MED13: variants seen among roughly 807,000 people sequenced by gnomAD.
MED13 encodes the protein mediator of RNA polymerase II transcription subunit 13.
In MED13, 23 loss-of-function variants were observed where a neutral mutation model predicts 225.2. The ratio of observed to expected loss-of-function variants is 0.10; its 90% confidence interval spans 0.07 to 0.14. The LOEUF (loss-of-function observed/expected upper bound fraction) is 0.14, where lower values mean the gene tolerates loss of function less well. MED13 is among the 10% of genes least tolerant of loss of function. The pLI, the probability that MED13 is intolerant of heterozygous loss-of-function variation, is 1.00. For missense variants in MED13, 2,197 were observed against 2,594.5 expected (o/e 0.85, Z 3.33); for synonymous variants, 942 against 889.2 (o/e 1.06, Z -1.06).
At chr17:62,015,886 TACAC>T (rs1174840455) in intron 8 of MED13, among the ~76,000 whole-genome samples, 14 of 93,346 alleles carry the variant, frequency 1.5e-4, no homozygotes, top group Non-Finnish European at 2.8e-4. Flanking sequence ...TGTATATATA[TACAC>T]ACACACACAC....
chr17:61,973,251 A>G (rs2080125064), intron 16 of MED13, among the ~76,000 whole-genome samples: 1 of 152,216 alleles, frequency 6.6e-6, no homozygotes, highest in African/African-American at 2.4e-5. Context: ...CCTCACATTG[A>G]AATTATATCC....
intron 8 of MED13, among the ~76,000 whole-genome samples, chr17:62,023,709 C>T (rs1162972392): frequency 6.6e-6 from 1 of 150,848 alleles, no homozygotes; most frequent in African/African-American, 2.5e-5. Context: ...GAGCTAGAGG[C>T]CGATTTAACA....
chr17:61,974,959 C>CA (rs1459188119), intron 16 of MED13, among the ~76,000 whole-genome samples: 1 of 151,820 alleles, frequency 6.6e-6, no homozygotes, highest in Non-Finnish European at 1.5e-5. Flanking sequence ...CAAAGAATAC[C>CA]ATCAAGAAAG....
At chr17:61,970,679 C>CT (rs2080099214) in intron 17 of MED13, among the ~76,000 whole-genome samples, 1 of 46,918 alleles carries the variant, frequency 2.1e-5, no homozygotes, top group African/African-American at 8.6e-5. Flanking sequence ...GAGACTGTCT[C>CT]AAAAAAAAAA....
rs181077855 is a variant in MED13 at position 62,017,870 on chromosome 17, T to C, written c.1284-6637A>G. 4.9e-4 allele frequency among the ~76,000 whole-genome samples: 74 copies of C among 152,348 alleles called. 1 individual carries two copies. In the East Asian group the frequency reaches 0.014, roughly 29 times the overall value. On this transcript the variant is annotated intron_variant, in intron 8 of 29. Coordinates refer to ENST00000397786, the MANE Select transcript of MED13 (RefSeq NM_005121.3). ...TTTCTGCTATAGATTTGAAGTACAA[T>C]GGCTATTTTGAGGAAAAGCGCTTGT...
intron 6 of MED13, 121 bp from the exon 7 acceptor site, chr17:62,030,134 AT>A (rs2080741037): frequency 1.0e-6 from 1 of 989,750 alleles, no homozygotes; most frequent in Non-Finnish European, 1.4e-6. Flanking sequence ...AATTATTTAT[AT>A]TTTGAGATAA....
rs1296609148 is a variant in MED13, at chr17:61,943,872, C to T, written c.*2596G>A. 2.0e-5 allele frequency: 3 copies of T among 152,504 alleles called. No individual in the cohort carries two copies. The highest frequency in any genetic ancestry group is 7.2e-5 in the African/African-American group (3 of 41,414). The allele number at this position is 152,504 out of a possible 1,614,324, so 9.4% of individuals were successfully genotyped here. Reference sequence around the variant, plus strand: ...AAAAAAAAAGATGTTAGCACTGTAACAAAGAAGTCAAGGTGTTGGTAATCC... The same window carrying T: ...AAAAAAAAAGATGTTAGCACTGTAATAAAGAAGTCAAGGTGTTGGTAATCC... On this transcript the variant is annotated 3_prime_UTR_variant, in exon 30 of 30. Coordinates refer to ENST00000397786, the MANE Select transcript of MED13 (RefSeq NM_005121.3).
intron 17 of MED13, among the ~76,000 whole-genome samples, chr17:61,971,920 C>T (rs1043268190): frequency 2.6e-5 from 4 of 151,720 alleles, no homozygotes; most frequent in African/African-American, 4.8e-5. Context: ...GGCGACAAAG[C>T]GAGACTCTGT....
In MED13 at chr17:61,985,014, G is replaced by A. The variant is rs757436998; in HGVS notation, c.2462C>T (p.Pro821Leu). 6.2e-6 allele frequency: 10 copies of A among 1,613,712 alleles called. No homozygotes were observed. The East Asian group carries it at 6.7e-5, about 11-fold the overall frequency. Residue 821 changes from proline to leucine, a missense_variant, in exon 13 of 30, where the codon CCG becomes CTG. Around this residue, in one of 12 missense-constraint regions of MED13, gnomAD observed 41 missense variants for 55.8 expected, o/e 0.73. Transcript: ENST00000397786. The stretch of plus-strand genomic sequence containing the variant: ...GGGAAGCTTACTTATGCAAGATAAC[G>A]GGTCCAGATTTCCTGTCTTTGATTC... Reference protein sequence around the residue: ...CKESKTGNLDPLSCISTADLH... With the variant: ...CKESKTGNLDLLSCISTADLH...
intron 16 of MED13, among the ~76,000 whole-genome samples, chr17:61,979,709 G>A (rs1223131415): frequency 6.6e-6 from 1 of 152,040 alleles, no homozygotes; most frequent in Non-Finnish European, 1.5e-5. Context: ...GCTATTTACA[G>A]CAAAAGTCCC....
intron 2 of MED13, among the ~76,000 whole-genome samples, chr17:62,061,167 C>A (rs1292730295): frequency 1.3e-5 from 2 of 152,112 alleles, no homozygotes; most frequent in Admixed American, 1.3e-4. Context: ...CAATATCCAT[C>A]AAAGCAGCTC....
rs577202494 is a variant in MED13, at chr17:61,947,244, G to T, written c.6292-227C>A. 1.9e-4 allele frequency among the ~76,000 whole-genome samples: 29 copies of T among 150,698 alleles called. No homozygotes were observed. In the East Asian group the frequency reaches 5.6e-3, roughly 29 times the overall value. ...GGCAGGTTCTTGTTCTGTTGACCAG[G>T]CTGGTCTTGAACTCCTGGCCTCAAA... On this transcript the variant is annotated intron_variant, in intron 28 of 29. Transcript: ENST00000397786.
chr17:61,961,440 A>T, intron 22 of MED13, 148 bp downstream of exon 22: 1 of 714,562 alleles, frequency 1.4e-6, no homozygotes, highest in Non-Finnish European at 2.2e-6. Context: ...GAATCGCTTG[A>T]ACCCAGGAGG....
rs57882344 is a variant in MED13, at chr17:62,029,511, T to C, written c.1283+30A>G. ...CAGTGGCGTAACAAACTATCACACA[T>C]AGGCATCAATCGATCGGGAAATAAT... On this transcript the variant is annotated intron_variant, in intron 8 of 29. Coordinates refer to ENST00000397786, the MANE Select transcript of MED13 (RefSeq NM_005121.3). 1,749 of 1,512,446 alleles carry C rather than the reference T, an allele frequency of 1.2e-3. 17 individuals are homozygous for C. In the African/African-American group the frequency reaches 0.021, roughly 18 times the overall value. 93.7% of individuals were successfully genotyped at this position (1,512,446 alleles called of 1,614,324 possible).
At position 62,030,016 on chromosome 17, in the gene MED13, G is replaced by GA; in HGVS notation, c.1010-4dup. 6.5e-7 allele frequency: 1 copy of GA among 1,534,518 alleles called. No individual in the cohort carries two copies. The highest frequency in any genetic ancestry group is 1.3e-5 in the South Asian group (1 of 77,536). Reference sequence around the variant, plus strand: ...CTTCTGGACAGACTGAGGATCAACTGAAAACAAAACAAAAAAACAGGCTGT... The same window carrying GA: ...CTTCTGGACAGACTGAGGATCAACTGAAAAACAAAACAAAAAAACAGGCTGT... On this transcript the variant is annotated splice_polypyrimidine_tract_variant and splice_region_variant and intron_variant, in intron 6 of 29. Coordinates refer to ENST00000397786, the MANE Select transcript of MED13 (RefSeq NM_005121.3).
At chr17:62,019,019 C>T (rs2080611195) in intron 8 of MED13, among the ~76,000 whole-genome samples, 1 of 152,172 alleles carries the variant, frequency 6.6e-6, no homozygotes, top group African/African-American at 2.4e-5. Flanking sequence ...TCCAACCAAC[C>T]CTTAAGAAAC....
Position 62,022,866 on chromosome 17 carries a change from C to T in MED13, c.1283+6675G>A, listed in dbSNP as rs989189946. On this transcript the variant is annotated intron_variant, in intron 8 of 29. Transcript: ENST00000397786. ...CTCTACAAAATATTTAAAAATTATCCGAGCATTGAGGCACACACCTGTAGT... is the reference window on the plus strand; with the variant it reads ...CTCTACAAAATATTTAAAAATTATCTGAGCATTGAGGCACACACCTGTAGT... 5.9e-5 allele frequency among the ~76,000 whole-genome samples: 9 copies of T among 151,916 alleles called. No homozygotes were observed. In the South Asian group the frequency reaches 6.2e-4, roughly 11 times the overall value.
chr17:61,956,233 T>C (rs1465817504), intron 24 of MED13, 106 bp downstream of exon 24: 2 of 1,125,976 alleles, frequency 1.8e-6, no homozygotes, highest in African/African-American at 3.2e-5. Context: ...GTTCCTTATT[T>C]GATAACCTTT....
In MED13 at chr17:61,944,372, GTTTTTTT is replaced by G. The variant is rs201249883; in HGVS notation, c.*2089_*2095del. The G allele has an allele frequency of 4.3e-5, 6 of 140,122 alleles. No homozygotes were observed. The highest frequency in any genetic ancestry group is 7.9e-5 in the African/African-American group (3 of 38,172). The allele number at this position is 140,122 out of a possible 1,614,324, so 8.7% of individuals were successfully genotyped here. A position where few individuals can be genotyped will look rare whatever the true frequency, so the allele number is the denominator to read the frequency against. On this transcript the variant is annotated 3_prime_UTR_variant, in exon 30 of 30. Coordinates refer to ENST00000397786, the MANE Select transcript of MED13 (RefSeq NM_005121.3). ...ACATTTTCCTTCAAATCTCAGACAA[GTTTTTTT>G]TTTTTTTTTAAAGAAAGTACAGAAC... is the stretch of plus-strand genomic sequence containing the variant.
Sources: allele counts gnomAD v4.1 joint callset (sites outside exome capture counted in the v4.1 genomes callset), GRCh38; gene constraint gnomAD v4.1.1; regional missense constraint gnomAD v4.1.1; transcripts MANE v1.5; gene names NCBI Gene and HGNC (gene_info 2026-07-23, HGNC 2026-07-21).